Variants in PCDHA11 observed in about 807,000 individuals in gnomAD.
The protein encoded by PCDHA11 is protocadherin alpha-11.
Under a neutral mutation model 70.3 loss-of-function variants are expected in PCDHA11, and 61 were observed. That is an observed-to-expected ratio of 0.87 (90% CI 0.71 to 1.07). The LOEUF is 1.07. Ranked by LOEUF, PCDHA11 falls within the 50% of genes least tolerant of loss-of-function variation. The pLI is 0.00. For synonymous variants in PCDHA11, 633 were observed against 555.1 expected, an observed-to-expected ratio of 1.14 and a Z score of -1.97; for missense variants, 1,324 against 1,237.5, an observed-to-expected ratio of 1.07 and a Z score of -1.05.
chr5:140,913,073 G>A (rs529914576), intron 1 of PCDHA11, among the ~76,000 whole-genome samples: 7 of 152,184 alleles, frequency 4.6e-5, no homozygotes, highest in Admixed American at 1.3e-4. Flanking sequence ...ATGTGTCATT[G>A]TTTGGTATCA....
chr5:140,913,035 T>C (rs1277110200), intron 1 of PCDHA11, among the ~76,000 whole-genome samples: 2 of 152,242 alleles, frequency 1.3e-5, no homozygotes, highest in African/African-American at 4.8e-5. Context: ...TCATCAGATA[T>C]ATTGGCCTGG....
intron 1 of PCDHA11, among the ~76,000 whole-genome samples, chr5:140,910,495 T>C (rs782513326): frequency 1.3e-5 from 2 of 152,176 alleles, no homozygotes; most frequent in Non-Finnish European, 2.9e-5. Flanking sequence ...AGAAGAGCAA[T>C]CACAAAGCTC....
rs1195729562 is a variant in PCDHA11, at chr5:140,897,783, G to A, written c.2391+26289G>A. 1.3e-3 allele frequency among the ~76,000 whole-genome samples: 204 copies of A among 152,264 alleles called. 1 individual carries two copies. The highest frequency in any genetic ancestry group is 0.011 in the South Asian group (52 of 4,820). ...CGCCACACTGACTTCCACAATGGTTGAACTAGTTTAGAGTCCCACCAACAG... is the reference window on the plus strand; with the variant it reads ...CGCCACACTGACTTCCACAATGGTTAAACTAGTTTAGAGTCCCACCAACAG... On this transcript the variant is annotated intron_variant, in intron 1 of 3. Transcript: ENST00000398640.
rs1291685236 is a variant in PCDHA11 at position 140,869,932 on chromosome 5, G to A, written c.829G>A (p.Val277Ile). 45 of 1,611,630 alleles carry A rather than the reference G, an allele frequency of 2.8e-5. No individual in the cohort carries two copies. The highest frequency in any genetic ancestry group is 3.5e-5 in the Non-Finnish European group (41 of 1,178,864). ...CCGAGACGAAGGAGTCAATGGAGAG[G>A]TAACATACTCCTTAATGTCAATTAA... ...TDRDEGVNGE[V>I]TYSLMSIKPN... Residue 277 changes from valine to isoleucine, a missense_variant, in exon 1 of 4, where the codon GTA (valine) becomes ATA (isoleucine). By Grantham distance (29) the Val-to-Ile change is conservative. Transcript: ENST00000398640.
At chr5:140,923,306 C>A (rs572766829) in intron 1 of PCDHA11, among the ~76,000 whole-genome samples, 1 of 152,216 alleles carries the variant, frequency 6.6e-6, no homozygotes, top group South Asian at 2.1e-4. Context: ...GGCGTGGGGG[C>A]GCTTGGCCTA....
chr5:140,877,401 G>T (rs183471635), intron 1 of PCDHA11: 1 of 1,613,944 alleles, frequency 6.2e-7, no homozygotes, highest in East Asian at 2.2e-5. Flanking sequence ...CGGACGCTCC[G>T]CGCCACCGCC....
In PCDHA11 at chr5:140,871,299, G is replaced by T. The variant is rs782459625; in HGVS notation, c.2196G>T (p.Ala732=). Residue 732 remains alanine (A), a synonymous_variant, in exon 1 of 4, where the codon GCG becomes GCT. Coordinates refer to ENST00000398640, the MANE Select transcript of PCDHA11 (RefSeq NM_018902.5). The stretch of plus-strand genomic sequence containing the variant: ...CAACGCCCACTGAGGGCGCGTGCGC[G>T]CCGGGGAAGCCCACGCTGGTGTGCT... ...WSATPTEGAC[A]PGKPTLVCSR... 1.5e-5 allele frequency: 24 copies of T among 1,613,798 alleles called. No homozygotes were observed. In the East Asian group the frequency reaches 5.3e-4, roughly 36 times the overall value.
chr5:140,893,135 T>C (rs1405005785), intron 1 of PCDHA11, among the ~76,000 whole-genome samples: 1 of 152,252 alleles, frequency 6.6e-6, no homozygotes, highest in Non-Finnish European at 1.5e-5. Flanking sequence ...ATTTTCTTTA[T>C]CCACTCATCT....
chr5:140,913,125 C>G (rs1164527264), intron 1 of PCDHA11, among the ~76,000 whole-genome samples: 1 of 152,132 alleles, frequency 6.6e-6, no homozygotes, highest in Non-Finnish European at 1.5e-5. Context: ...AAGTTAACCC[C>G]TCCTCTACTT....
At chr5:140,950,555 C>T (rs1421946616) in intron 1 of PCDHA11, among the ~76,000 whole-genome samples, 1 of 151,964 alleles carries the variant, frequency 6.6e-6, no homozygotes, top group Non-Finnish European at 1.5e-5. Flanking sequence ...GCTGGGGGGA[C>T]ACTTATTTTA....
chr5:140,946,611 A>AATATATATATATATATATATATAT (rs1554217734), intron 1 of PCDHA11, among the ~76,000 whole-genome samples: 1,222 of 86,096 alleles, frequency 0.014, 42 homozygotes, highest in African/African-American at 0.029. Context: ...GAAAATGTGA[A>AATATATATATATATATATATATAT]ATATATATAT....
At chr5:140,956,551 C>T (rs995941205) in intron 1 of PCDHA11, among the ~76,000 whole-genome samples, 1 of 152,148 alleles carries the variant, frequency 6.6e-6, no homozygotes, top group Non-Finnish European at 1.5e-5. Context: ...ATTTGGTTTG[C>T]CAGTATCTTA....
At chr5:140,883,626 C>A (rs782798960) in intron 1 of PCDHA11, 2 of 1,613,968 alleles carry the variant, frequency 1.2e-6, no homozygotes, top group Non-Finnish European at 1.7e-6. Flanking sequence ...GACAACGCGC[C>A]GGCGTTCGCG....
At chr5:140,993,358 A>G (rs1197499617) in intron 3 of PCDHA11, among the ~76,000 whole-genome samples, 7 of 151,988 alleles carry the variant, frequency 4.6e-5, no homozygotes, top group Admixed American at 4.6e-4. Context: ...AGATCCTCAC[A>G]AAAACTACCT....
Position 140,868,981 on chromosome 5 carries a change from G to A in PCDHA11, c.-123G>A. Reference sequence around the variant, plus strand: ...CATACAAAGGAACTCCATCATACCGGATGCCACCGTTTAAGGATCCTTTGA... The same window carrying A: ...CATACAAAGGAACTCCATCATACCGAATGCCACCGTTTAAGGATCCTTTGA... On this transcript the variant is annotated 5_prime_UTR_variant, in exon 1 of 4. Coordinates refer to ENST00000398640, the MANE Select transcript of PCDHA11 (RefSeq NM_018902.5). 3 of 1,492,274 alleles carry A rather than the reference G, an allele frequency of 2.0e-6. No homozygotes were observed. The highest frequency in any genetic ancestry group is 2.8e-5 in the South Asian group (2 of 72,102). The allele number at this position is 1,492,274 out of a possible 1,614,324, so 92.4% of individuals were successfully genotyped here. A position where few individuals can be genotyped will look rare whatever the true frequency, so the allele number is the denominator to read the frequency against.
intron 1 of PCDHA11, chr5:140,878,017 G>A: frequency 1.2e-6 from 1 of 800,034 alleles, no homozygotes; most frequent in Non-Finnish European, 1.8e-6. Flanking sequence ...ATTAATGAAG[G>A]AAATATGTAG....
intron 1 of PCDHA11, among the ~76,000 whole-genome samples, chr5:140,917,329 GA>G (rs1467900886): frequency 0.012 from 1,654 of 143,658 alleles, 142 homozygotes; most frequent in African/African-American, 0.032. Context: ...TGTGGCGGGG[GA>G]GGGGGGGGAT....
chr5:140,990,956 G>T (rs1179435982), intron 3 of PCDHA11, among the ~76,000 whole-genome samples: 1 of 152,136 alleles, frequency 6.6e-6, no homozygotes, highest in Non-Finnish European at 1.5e-5. Context: ...TGTAGAAATA[G>T]TCTCTTAGAA....
Position 141,009,628 on chromosome 5 carries a change from A to G in PCDHA11, c.2541A>G (p.Glu847=), listed in dbSNP as rs1441195912. The G allele has an allele frequency of 1.2e-6, 2 of 1,613,000 alleles. No individual in the cohort carries two copies. The highest frequency in any genetic ancestry group is 2.2e-5 in the East Asian group (1 of 44,852). Residue 847 remains glutamate, a splice_region_variant and synonymous_variant, in exon 4 of 4, where the codon GAA becomes GAG. Coordinates refer to ENST00000398640, the MANE Select transcript of PCDHA11 (RefSeq NM_018902.5). ...GATTTGTAATGTTTTGTCTTTCAGA[A>G]CCAGAGGCAGGAGAAGTGTCCCCTC... is the stretch of plus-strand genomic sequence containing the variant. ...QWPTVSSATP[E]PEAGEVSPPV...
Sources: allele counts gnomAD v4.1 joint callset (sites outside exome capture counted in the v4.1 genomes callset), GRCh38; gene constraint gnomAD v4.1.1; transcripts MANE v1.5; gene names NCBI Gene and HGNC (gene_info 2026-07-23, HGNC 2026-07-21).